Variants in FOXO3 observed in about 807,000 individuals in gnomAD.
The protein encoded by FOXO3 is forkhead box protein O3.
FOXO3 carries 4 observed loss-of-function variants against 41.9 expected under a neutral mutation model. The observed-to-expected ratio is 0.10, with a 90% CI of 0.05 to 0.22. The LOEUF is 0.22. Among genes scored for constraint, FOXO3 ranks in the 10% least tolerant of loss-of-function variants. The pLI is 1.00. For synonymous variants in FOXO3, 318 were observed against 389.3 expected (o/e 0.82, Z 2.16); for missense variants, 534 against 906.8 (o/e 0.59, Z 5.28).
intron 1 of FOXO3, among the ~76,000 whole-genome samples, chr6:108,631,179 A>G (rs1463596842): frequency 6.6e-6 from 1 of 152,182 alleles, no homozygotes; most frequent in Non-Finnish European, 1.5e-5. Context: ...ACATTTACTC[A>G]TATTCATTTG....
chr6:108,635,290 A>G (rs529635779), intron 1 of FOXO3, among the ~76,000 whole-genome samples: 63 of 152,166 alleles, frequency 4.1e-4, no homozygotes, highest in Non-Finnish European at 1.2e-4. Context: ...GCAAGACTCC[A>G]TCTCAAAAAA....
chr6:108,561,032 G>C lies in FOXO3; in HGVS notation c.-177G>C. On this transcript the variant is annotated 5_prime_UTR_variant, in exon 1 of 3. Transcript: ENST00000406360. ...GCGGGCGAGGACTCGCCGAGGACGG[G>C]GCTCCGGCCCGGGATAACCAACTCT... The C allele has an allele frequency of 7.2e-7, 1 of 1,386,872 alleles. No homozygotes were observed. Among genetic ancestry groups the C allele is most frequent in the Non-Finnish European group, 9.2e-7 (1 of 1,083,206 alleles). 85.9% of individuals were successfully genotyped at this position (1,386,872 alleles called of 1,614,324 possible).
At chr6:108,672,857 C>CT (rs1019633614) in intron 2 of FOXO3, among the ~76,000 whole-genome samples, 46 of 150,758 alleles carry the variant, frequency 3.1e-4, no homozygotes, top group African/African-American at 8.5e-4. Context: ...TTTTTGTTTC[C>CT]TTTTTTTTTA....
At chr6:108,572,250 G>A (rs1324759826) in intron 1 of FOXO3, among the ~76,000 whole-genome samples, 1 of 152,332 alleles carries the variant, frequency 6.6e-6, no homozygotes, top group Non-Finnish European at 1.5e-5. Flanking sequence ...ATCCTCAGTG[G>A]AAGAATAGTG....
intron 1 of FOXO3, among the ~76,000 whole-genome samples, chr6:108,608,534 T>C (rs903208366): frequency 2.2e-4 from 33 of 152,176 alleles, no homozygotes; most frequent in African/African-American, 8.0e-4. Context: ...TACTGCAGTT[T>C]TTCTATCAAA....
chr6:108,612,703 T>G (rs1323032284), intron 1 of FOXO3, among the ~76,000 whole-genome samples: 1 of 152,018 alleles, frequency 6.6e-6, no homozygotes, highest in Non-Finnish European at 1.5e-5. Flanking sequence ...AAAAAAAAAT[T>G]TTTTTTCTTC....
intron 1 of FOXO3, among the ~76,000 whole-genome samples, chr6:108,655,262 A>C (rs1778652472): frequency 6.6e-6 from 1 of 152,234 alleles, no homozygotes; most frequent in Admixed American, 6.5e-5. Flanking sequence ...AAAGAAAAGC[A>C]GATCTGGACC....
chr6:108,619,222 G>A lies in FOXO3; in HGVS notation c.622-44233G>A, dbSNP rs528344317. On this transcript the variant is annotated intron_variant, in intron 1 of 2. Transcript: ENST00000406360. ...GAAAAAAGAAATCAGTGTAACCGTGGGGGCAAGGCAGGAAGCATTCTGTTT... is the reference window on the plus strand; with the variant it reads ...GAAAAAAGAAATCAGTGTAACCGTGAGGGCAAGGCAGGAAGCATTCTGTTT... Among the ~76,000 whole-genome samples, 9 of 152,312 alleles carry A rather than the reference G, an allele frequency of 5.9e-5. No homozygotes were observed. In the East Asian group the frequency reaches 1.7e-3, roughly 29 times the overall value.
chr6:108,662,816 A>C (rs939810563), intron 1 of FOXO3, among the ~76,000 whole-genome samples: 1 of 152,196 alleles, frequency 6.6e-6, no homozygotes, highest in South Asian at 2.1e-4. Context: ...CAATATGGGC[A>C]ATATAATTAC....
At position 108,561,772 on chromosome 6, in the gene FOXO3, G is replaced by A. The variant is rs754777172; in HGVS notation, c.564G>A (p.Val188=). 2.5e-6 allele frequency: 4 copies of A among 1,601,956 alleles called. No homozygotes were observed. The highest frequency in any genetic ancestry group is 2.7e-5 in the African/African-American group (2 of 73,462). The part of the protein sequence containing the change: ...LTLSQIYEWM[V]RCVPYFKDKG... ...TGTCCCAGATCTACGAGTGGATGGT[G>A]CGTTGCGTGCCCTACTTCAAGGATA... The change falls in exon 1 of 3, where the codon GTG becomes GTA. Residue 188 remains valine (V), a synonymous_variant. Coordinates refer to ENST00000406360, the MANE Select transcript of FOXO3 (RefSeq NM_001455.4).
At chr6:108,584,667 C>G (rs117967102) in intron 1 of FOXO3, among the ~76,000 whole-genome samples, 84 of 152,236 alleles carry the variant, frequency 5.5e-4, no homozygotes, top group Non-Finnish European at 1.1e-3. Flanking sequence ...ATGATTTCAC[C>G]TAGAATCTTG....
chr6:108,589,302 A>T (rs1266933690), intron 1 of FOXO3, among the ~76,000 whole-genome samples: 2 of 152,034 alleles, frequency 1.3e-5, no homozygotes, highest in African/African-American at 2.4e-5. Context: ...TGACATAAGC[A>T]CCCCCTGCCC....
rs376600101 is a variant in FOXO3 at position 108,664,350 on chromosome 6, G to A, written c.1517G>A (p.Arg506His). The A allele has an allele frequency of 7.0e-5, 113 of 1,611,394 alleles. No individual in the cohort carries two copies. Among genetic ancestry groups the A allele is most frequent in the Non-Finnish European group, 8.9e-5 (105 of 1,178,230 alleles). ...ACCGCTGTGTCTGCCCAGAATTCCC[G>A]CCGGAACGTGATGCTTCGCAATGAT... ...ASTAVSAQNS[R>H]RNVMLRNDPM... Residue 506 changes from arginine to histidine, a missense_variant, in exon 2 of 3, where the codon CGC (arginine) becomes CAC (histidine). By Grantham distance (29) the Arg-to-His change is conservative (BLOSUM62 0). This residue lies in a region of FOXO3 where 94 missense variants were observed against 214.4 expected (regional missense o/e 0.44). Coordinates refer to ENST00000406360, the MANE Select transcript of FOXO3 (RefSeq NM_001455.4).
At chr6:108,661,303 C>G (rs894872871) in intron 1 of FOXO3, among the ~76,000 whole-genome samples, 2 of 151,794 alleles carry the variant, frequency 1.3e-5, no homozygotes, top group South Asian at 4.2e-4. Flanking sequence ...GAATACAGTT[C>G]GTGATTGCCA....
At chr6:108,658,809 T>C (rs1778764207) in intron 1 of FOXO3, among the ~76,000 whole-genome samples, 1 of 152,230 alleles carries the variant, frequency 6.6e-6, no homozygotes, top group Admixed American at 6.5e-5. Context: ...GTAAGTCCTA[T>C]AGAATAAGCT....
chr6:108,633,881 C>A (rs1778043287), intron 1 of FOXO3, among the ~76,000 whole-genome samples: 1 of 151,988 alleles, frequency 6.6e-6, no homozygotes, highest in African/African-American at 2.4e-5. Context: ...AACCAATTGC[C>A]CAGAGCAATC....
intron 1 of FOXO3, among the ~76,000 whole-genome samples, chr6:108,566,826 G>A (rs1775958191): frequency 6.6e-6 from 1 of 152,124 alleles, no homozygotes; most frequent in Non-Finnish European, 1.5e-5. Context: ...AAAGGAGCTG[G>A]GGATCATAAA....
Position 108,681,425 on chromosome 6 carries a change from C to T in FOXO3, c.*1633C>T, listed in dbSNP as rs1770847169. On this transcript the variant is annotated 3_prime_UTR_variant, in exon 3 of 3. Coordinates refer to ENST00000406360, the MANE Select transcript of FOXO3 (RefSeq NM_001455.4). ...CTTGAGTTCTTGCTGATGCTTGCAC[C>T]GTGACAGTGGGCACCAACACAGACG... 1 of 152,188 alleles carries T rather than the reference C, an allele frequency of 6.6e-6. No individual in the cohort carries two copies. Among genetic ancestry groups the T allele is most frequent in the Admixed American group, 6.6e-5 (1 of 15,244 alleles). 9.4% of individuals were successfully genotyped at this position (152,188 alleles called of 1,614,324 possible).
intron 1 of FOXO3, among the ~76,000 whole-genome samples, chr6:108,590,583 A>G (rs1004744073): frequency 2.0e-5 from 3 of 152,350 alleles, no homozygotes; most frequent in Middle Eastern, 3.4e-3. Context: ...ATGTATATGC[A>G]AATATTCCAA....
Sources: gnomAD v4.1 joint callset for allele counts (sites outside exome capture counted in the v4.1 genomes callset) on GRCh38, gnomAD v4.1.1 for gene constraint, gnomAD v4.1.1 regional missense constraint, MANE v1.5 for transcripts, NCBI Gene and HGNC (gene_info 2026-07-23, HGNC 2026-07-21) for gene names.